ZBTB40: variants seen among roughly 807,000 people sequenced by gnomAD.
ZBTB40 encodes zinc finger and BTB domain-containing protein 40.
In ZBTB40, 60 loss-of-function variants were observed where a neutral mutation model predicts 117.5. The ratio of observed to expected loss-of-function variants is 0.51; its 90% CI spans 0.41 to 0.63. ZBTB40 has a LOEUF of 0.63. Among genes scored for constraint, ZBTB40 ranks in the 30% least tolerant of loss-of-function variants. The pLI is 0.00. For missense variants in ZBTB40, 1,287 were observed against 1,498.5 expected, an observed-to-expected ratio of 0.86 and a Z score of 2.33; for synonymous variants, 525 against 577.1, an observed-to-expected ratio of 0.91 and a Z score of 1.29.
At chr1:22,501,282 G>A (rs149713884) in intron 3 of ZBTB40, among the ~76,000 whole-genome samples, 123 of 152,322 alleles carry the variant, frequency 8.1e-4, no homozygotes, top group South Asian at 1.4e-3. Context: ...GCATGGAGTC[G>A]TGGAATTGGA....
At chr1:22,491,321 G>A in intron 2 of ZBTB40, 79 bp from the exon 3 acceptor site, 4 of 1,477,860 alleles carry the variant, frequency 2.7e-6, no homozygotes, top group Non-Finnish European at 2.8e-6. Flanking sequence ...TGACCTGAAG[G>A]TGCTCAGACA....
intron 1 of ZBTB40, among the ~76,000 whole-genome samples, chr1:22,478,265 T>A (rs1641597673): frequency 6.6e-6 from 1 of 152,224 alleles, no homozygotes; most frequent in African/African-American, 2.4e-5. Flanking sequence ...TTCTTTTTTT[T>A]GAGACGGAGT....
At chr1:22,487,360 T>C (rs1388865295) in intron 1 of ZBTB40, among the ~76,000 whole-genome samples, 1 of 152,236 alleles carries the variant, frequency 6.6e-6, no homozygotes, top group Non-Finnish European at 1.5e-5. Context: ...GACATATGTC[T>C]TTCCGCCCTT....
At chr1:22,442,563 AG>A (rs1557473573) in intron 1 of ZBTB40, among the ~76,000 whole-genome samples, 1 of 152,206 alleles carries the variant, frequency 6.6e-6, no homozygotes, top group East Asian at 1.9e-4. Flanking sequence ...CTTACAATAT[AG>A]GAATTTATAA....
At chr1:22,511,621 A>C (rs1639237008) in intron 10 of ZBTB40, 55 bp from the exon 11 acceptor site, 2 of 1,581,668 alleles carry the variant, frequency 1.3e-6, no homozygotes. Context: ...GAAACGTTAT[A>C]AAGCAAAATA....
chr1:22,470,510 T>A, intron 1 of ZBTB40, among the ~76,000 whole-genome samples: 1 of 152,126 alleles, frequency 6.6e-6, no homozygotes, highest in East Asian at 1.9e-4. Flanking sequence ...GGAGCTTCAT[T>A]GGGCTTCGGC....
At chr1:22,497,233 A>T (rs755954224) in intron 3 of ZBTB40, among the ~76,000 whole-genome samples, 11 of 152,280 alleles carry the variant, frequency 7.2e-5, no homozygotes, top group Non-Finnish European at 1.2e-4. Flanking sequence ...TTCACCTAAA[A>T]ATCTAGAAGA....
intron 17 of ZBTB40, among the ~76,000 whole-genome samples, chr1:22,525,305 G>A (rs979458138): frequency 6.6e-6 from 1 of 152,234 alleles, no homozygotes; most frequent in Admixed American, 6.5e-5. Context: ...AAGAAAAGCA[G>A]TTTGAAAACT....
Position 22,482,467 on chromosome 1 carries a change from T to C in ZBTB40, c.-69-7413T>C, listed in dbSNP as rs905953082. 3.3e-5 allele frequency among the ~76,000 whole-genome samples: 5 copies of C among 152,328 alleles called. No individual in the cohort carries two copies. The East Asian group carries it at 5.8e-4, about 18-fold the overall frequency. On this transcript the variant is annotated intron_variant, in intron 1 of 17. Coordinates refer to ENST00000375647, the MANE Select transcript of ZBTB40 (RefSeq NM_014870.4). ...CACCATATTGGTACATTTCTTATAA[T>C]TGATGAACCTACATTGACACATAAT...
At chr1:22,479,762 C>T (rs1313251941) in intron 1 of ZBTB40, among the ~76,000 whole-genome samples, 4 of 152,246 alleles carry the variant, frequency 2.6e-5, no homozygotes, top group Admixed American at 2.6e-4. Context: ...GTCCCTTAAC[C>T]TCTTTTTCAT....
At chr1:22,446,378 A>G (rs1640790046) in intron 1 of ZBTB40, among the ~76,000 whole-genome samples, 1 of 152,122 alleles carries the variant, frequency 6.6e-6, no homozygotes, top group Non-Finnish European at 1.5e-5. Flanking sequence ...ATAATTTCCC[A>G]AATTAATGTC....
At chr1:22,433,425 G>A (rs910621732) in intron 1 of ZBTB40, among the ~76,000 whole-genome samples, 4 of 3,580 alleles carry the variant, frequency 1.1e-3, no homozygotes, top group Non-Finnish European at 2.0e-3. Context: ...AGAGCAAGAC[G>A]CCCTCTCAAA....
At chr1:22,475,814 G>A (rs1641538424) in intron 1 of ZBTB40, among the ~76,000 whole-genome samples, 1 of 152,142 alleles carries the variant, frequency 6.6e-6, no homozygotes, top group Admixed American at 6.5e-5. Flanking sequence ...ACCTAGCAAG[G>A]TACTGAGTAA....
intron 1 of ZBTB40, among the ~76,000 whole-genome samples, chr1:22,439,039 T>C (rs558865949): frequency 6.6e-6 from 1 of 152,228 alleles, no homozygotes; most frequent in African/African-American, 2.4e-5. Flanking sequence ...AGCTAATTTT[T>C]GTATTTTTAG....
At chr1:22,497,859 G>T (rs1042014310) in intron 3 of ZBTB40, among the ~76,000 whole-genome samples, 1 of 152,186 alleles carries the variant, frequency 6.6e-6, no homozygotes, top group Non-Finnish European at 1.5e-5. Flanking sequence ...CAGGCCTGGT[G>T]TGAGGAAGAA....
rs1426887425 is a variant in ZBTB40, at chr1:22,508,524, T to C, written c.1498-6T>C. 3 of 1,614,080 alleles carry C rather than the reference T, an allele frequency of 1.9e-6. No homozygotes were observed. The stretch of plus-strand genomic sequence containing the variant: ...CTTACGTGAGTGTTTGTGTTACATC[T>C]TGAAGGTCATGGAGAAGCTTGTGAA... On this transcript the variant is annotated splice_polypyrimidine_tract_variant and splice_region_variant and intron_variant, in intron 7 of 17. Coordinates refer to ENST00000375647, the MANE Select transcript of ZBTB40 (RefSeq NM_014870.4).
intron 9 of ZBTB40, among the ~76,000 whole-genome samples, chr1:22,510,587 T>C (rs1480192824): frequency 6.6e-6 from 1 of 152,242 alleles, no homozygotes; most frequent in Non-Finnish European, 1.5e-5. Flanking sequence ...CTGATAGCTC[T>C]AACATTCTGA....
Position 22,526,212 on chromosome 1 carries a change from C to A in ZBTB40, c.3536C>A (p.Thr1179Asn), listed in dbSNP as rs763760309. Residue 1179 changes from threonine to asparagine, a missense_variant, in exon 18 of 18, where the codon ACC becomes AAC. This residue lies in a region of ZBTB40 where 417 missense variants were observed against 564.1 expected (regional missense o/e 0.74). Coordinates refer to ENST00000375647, the MANE Select transcript of ZBTB40 (RefSeq NM_014870.4). The stretch of plus-strand genomic sequence containing the variant: ...GTCTTTCTCTTTCAGGTGATCCAAA[C>A]CCCAGAGCCGGTGGCCCCGACAGAG... ...AASQMAQVIQ[T>N]PEPVAPTEQV... 3.1e-6 allele frequency: 5 copies of A among 1,614,074 alleles called. No homozygotes were observed. In the African/African-American group the frequency reaches 5.3e-5, roughly 17 times the overall value.
Position 22,472,071 on chromosome 1 carries a change from A to T in ZBTB40, c.-69-17809A>T, listed in dbSNP as rs558319787. Reference sequence around the variant, plus strand: ...GTACCTGGTCCCCTTAGTAAGGAGGATTGTTTGGGCAGGGGACCTTATCCG... The same window carrying T: ...GTACCTGGTCCCCTTAGTAAGGAGGTTTGTTTGGGCAGGGGACCTTATCCG... On this transcript the variant is annotated intron_variant, in intron 1 of 17. Transcript: ENST00000375647. 5.9e-5 allele frequency among the ~76,000 whole-genome samples: 9 copies of T among 152,076 alleles called. No homozygotes were observed. The South Asian group carries it at 1.9e-3, about 32-fold the overall frequency.
Sources: allele counts gnomAD v4.1 joint callset (sites outside exome capture counted in the v4.1 genomes callset), GRCh38; gene constraint gnomAD v4.1.1; regional missense constraint gnomAD v4.1.1; transcripts MANE v1.5; gene names NCBI Gene and HGNC (gene_info 2026-07-23, HGNC 2026-07-21).